Variants in FCHSD2 observed in about 807,000 individuals in gnomAD.
FCHSD2 encodes the protein FCH and double SH3 domains 2.
In FCHSD2, 38 loss-of-function variants were observed where a neutral mutation model predicts 108.1. The ratio of observed to expected loss-of-function variants is 0.35; its 90% CI spans 0.27 to 0.46. The LOEUF is 0.46. FCHSD2 is among the 20% of genes least tolerant of loss of function. FCHSD2 has a pLI of 1.00. For synonymous variants in FCHSD2, 279 were observed against 314.7 expected (o/e 0.89, Z 1.20); for missense variants, 751 against 897.8 (o/e 0.84, Z 2.09).
At chr11:73,006,743 T>A (rs1025624820) in intron 4 of FCHSD2, among the ~76,000 whole-genome samples, 3 of 152,264 alleles carry the variant, frequency 2.0e-5, no homozygotes, top group African/African-American at 7.2e-5. Flanking sequence ...TATTCACTTG[T>A]TTACTGTTTG....
chr11:72,971,150 T>A (rs1003217425), intron 8 of FCHSD2, among the ~76,000 whole-genome samples: 3 of 152,190 alleles, frequency 2.0e-5, no homozygotes, highest in Admixed American at 1.3e-4. Flanking sequence ...TCATGCAGAG[T>A]AACACTATAA....
chr11:73,137,190 T>G (rs960133854), intron 2 of FCHSD2, among the ~76,000 whole-genome samples: 2 of 151,982 alleles, frequency 1.3e-5, no homozygotes, highest in African/African-American at 4.8e-5. Context: ...TTTTCAATAT[T>G]GTCTTTGAAA....
At chr11:72,913,835 C>CAA (rs71458287) in intron 9 of FCHSD2, among the ~76,000 whole-genome samples, 14 of 145,768 alleles carry the variant, frequency 9.6e-5, no homozygotes, top group African/African-American at 3.5e-4. Flanking sequence ...AAAAAAAAAA[C>CAA]AAAAAAAAAA....
intron 10 of FCHSD2, among the ~76,000 whole-genome samples, chr11:72,891,715 G>A (rs1379882706): frequency 6.6e-6 from 1 of 152,178 alleles, no homozygotes; most frequent in Non-Finnish European, 1.5e-5. Context: ...TGAATCCATT[G>A]TATGCCATTT....
chr11:73,136,695 G>A (rs996324740), intron 2 of FCHSD2, among the ~76,000 whole-genome samples: 1 of 152,152 alleles, frequency 6.6e-6, no homozygotes, highest in African/African-American at 2.4e-5. Context: ...TCTCAAAAGA[G>A]GAAAAGCAAG....
chr11:72,860,310 C>G (rs1861536777), intron 13 of FCHSD2, among the ~76,000 whole-genome samples: 1 of 152,094 alleles, frequency 6.6e-6, no homozygotes, highest in Admixed American at 6.6e-5. Context: ...AACATAACCC[C>G]TAACAATAGC....
chr11:72,948,084 T>C lies in FCHSD2; in HGVS notation c.706-26134A>G, dbSNP rs7101418. ...GTGCAGTGGTGCGATCTCGGCTCAC[T>C]GCAACCTCCACCTCTGGGTTTCAAG... is the stretch of plus-strand genomic sequence containing the variant. On this transcript the variant is annotated intron_variant, in intron 8 of 19. Transcript: ENST00000409418. Among the ~76,000 whole-genome samples the C allele has an allele frequency of 4.6e-3, 702 of 152,328 alleles. 4 individuals are homozygous for C. The highest frequency in any genetic ancestry group is 0.016 in the African/African-American group (680 of 41,578).
intron 8 of FCHSD2, among the ~76,000 whole-genome samples, 179 bp from the exon 9 acceptor site, chr11:72,922,129 A>G (rs1160236342): frequency 6.6e-6 from 1 of 152,214 alleles, no homozygotes; most frequent in Non-Finnish European, 1.5e-5. Flanking sequence ...GAAAATGTTG[A>G]ATCTCTCTAA....
chr11:73,004,949 T>C (rs1438767346), intron 4 of FCHSD2, among the ~76,000 whole-genome samples: 1 of 152,192 alleles, frequency 6.6e-6, no homozygotes, highest in Non-Finnish European at 1.5e-5. Context: ...CCCACCACAT[T>C]TGCCAAACTC....
At chr11:72,909,531 G>GCGA (rs1855707495) in intron 9 of FCHSD2, among the ~76,000 whole-genome samples, 1 of 148,698 alleles carries the variant, frequency 6.7e-6, no homozygotes, top group African/African-American at 2.5e-5. Context: ...CTGCCCGGCC[G>GCGA]CCCTGTCTGG....
At chr11:73,129,875 T>C (rs908880073) in intron 2 of FCHSD2, among the ~76,000 whole-genome samples, 4 of 145,168 alleles carry the variant, frequency 2.8e-5, no homozygotes, top group Non-Finnish European at 6.0e-5. Flanking sequence ...TCATAATCTT[T>C]TTTTTTTTTT....
At chr11:72,886,286 C>T (rs1203488440) in intron 12 of FCHSD2, among the ~76,000 whole-genome samples, 1 of 152,154 alleles carries the variant, frequency 6.6e-6, no homozygotes, top group African/African-American at 2.4e-5. Flanking sequence ...CTCACATCTC[C>T]TTCTTTCCTA....
At chr11:72,918,636 T>G (rs1197851380) in intron 9 of FCHSD2, among the ~76,000 whole-genome samples, 1 of 152,186 alleles carries the variant, frequency 6.6e-6, no homozygotes, top group Non-Finnish European at 1.5e-5. Flanking sequence ...GTTTTTTCCT[T>G]CCTTTTATCT....
chr11:72,941,401 T>G (rs1202974746), intron 8 of FCHSD2, among the ~76,000 whole-genome samples: 1 of 151,074 alleles, frequency 6.6e-6, no homozygotes, highest in East Asian at 1.9e-4. Context: ...ATTTATATAA[T>G]TTTTATATTT....
chr11:73,018,443 C>T (rs1237450832), intron 3 of FCHSD2, among the ~76,000 whole-genome samples: 2 of 152,010 alleles, frequency 1.3e-5, no homozygotes, highest in Non-Finnish European at 2.9e-5. Flanking sequence ...TATGCATAAT[C>T]ATCATACACT....
chr11:72,940,026 C>T (rs1591417596), intron 8 of FCHSD2, among the ~76,000 whole-genome samples: 2 of 152,074 alleles, frequency 1.3e-5, no homozygotes, highest in African/African-American at 2.4e-5. Context: ...GTGTTTTATG[C>T]GGCAGTGTTA....
At chr11:73,014,930 G>A (rs1857937803) in intron 4 of FCHSD2, among the ~76,000 whole-genome samples, 2 of 151,866 alleles carry the variant, frequency 1.3e-5, no homozygotes, top group South Asian at 4.2e-4. Flanking sequence ...TGCAACCTCT[G>A]CCTCCCAGGT....
At chr11:73,020,714 T>G (rs1858080960) in intron 3 of FCHSD2, among the ~76,000 whole-genome samples, 1 of 151,988 alleles carries the variant, frequency 6.6e-6, no homozygotes, top group Non-Finnish European at 1.5e-5. Context: ...TAAATTGTCT[T>G]TATTTACTTT....
intron 6 of FCHSD2, 123 bp from the exon 7 acceptor site, chr11:72,985,239 G>T: frequency 9.4e-6 from 2 of 212,978 alleles, no homozygotes; most frequent in Non-Finnish European, 9.4e-6. Context: ...AAAAAAGAAT[G>T]AAAAAATGGA....
Sources: gnomAD v4.1 joint callset for allele counts (sites outside exome capture counted in the v4.1 genomes callset) on GRCh38, gnomAD v4.1.1 for gene constraint, MANE v1.5 for transcripts, NCBI Gene and HGNC (gene_info 2026-07-23, HGNC 2026-07-21) for gene names.